ABCC9: variants seen among roughly 807,000 people sequenced by gnomAD.
ABCC9 encodes the protein ATP-binding cassette sub-family C member 9.
A neutral mutation model predicts 188.3 loss-of-function variants in ABCC9; 95 were observed. That is an observed-to-expected ratio of 0.50 (90% confidence interval 0.43 to 0.60). The LOEUF (loss-of-function observed/expected upper bound fraction) is 0.60, where lower values mean the gene tolerates loss of function less well. Among genes scored for constraint, ABCC9 ranks in the 20% least tolerant of loss-of-function variants. The pLI, the probability that ABCC9 is intolerant of heterozygous loss-of-function variation, is 0.00. For missense variants in ABCC9, 1,102 were observed against 1,876.3 expected (o/e 0.59, Z 7.62); for synonymous variants, 659 against 652.7 (o/e 1.01, Z -0.15).
intron 13 of ABCC9, 132 bp downstream of exon 13, chr12:21,895,143 G>T: frequency 1.3e-6 from 1 of 756,358 alleles, no homozygotes; most frequent in East Asian, 2.7e-5. Flanking sequence ...TAGAACTCTT[G>T]CAATGGAGAC....
chr12:21,915,225 ATGTGTGTGTG>A (rs377233626), intron 7 of ABCC9, among the ~76,000 whole-genome samples: 32 of 129,150 alleles, frequency 2.5e-4, no homozygotes, highest in East Asian at 7.0e-4. Flanking sequence ...TTATATATAT[ATGTGTGTGTG>A]TGTGTGTGTG....
intron 4 of ABCC9, among the ~76,000 whole-genome samples, chr12:21,932,550 A>G (rs573582264): frequency 6.6e-6 from 1 of 152,324 alleles, no homozygotes; most frequent in East Asian, 1.9e-4. Flanking sequence ...AGCATCTATA[A>G]GGAACTTACA....
At chr12:21,813,420 TAACCTATGTCTTTC>T (rs1052230676) in intron 35 of ABCC9, among the ~76,000 whole-genome samples, 8 of 152,154 alleles carry the variant, frequency 5.3e-5, no homozygotes, top group Non-Finnish European at 8.8e-5. Context: ...GTGATTAGCT[TAACCTATGTCTTTC>T]AGGAATAATA....
intron 32 of ABCC9, 25 bp from the exon 33 acceptor site, chr12:21,817,332 G>A: frequency 6.2e-7 from 1 of 1,611,142 alleles, no homozygotes; most frequent in Non-Finnish European, 8.5e-7. Flanking sequence ...TAAAAAAATT[G>A]TTTTAAATAA....
At chr12:21,848,299 C>T (rs1220406104) in intron 24 of ABCC9, 53 bp from the exon 25 acceptor site, 2 of 1,472,028 alleles carry the variant, frequency 1.4e-6, no homozygotes, top group East Asian at 4.6e-5. Flanking sequence ...TAGGTTGTGA[C>T]TTATCAATGA....
chr12:21,863,874 A>G (rs1007670737), intron 19 of ABCC9, among the ~76,000 whole-genome samples: 5 of 152,124 alleles, frequency 3.3e-5, no homozygotes, highest in African/African-American at 1.2e-4. Flanking sequence ...GAAATGTTCA[A>G]TGATCTTTCT....
At chr12:21,808,925 C>G (rs1403144402) in intron 37 of ABCC9, among the ~76,000 whole-genome samples, 1 of 152,028 alleles carries the variant, frequency 6.6e-6, no homozygotes, top group African/African-American at 2.4e-5. Flanking sequence ...ATACTCTCTC[C>G]TTGGAACTTA....
intron 29 of ABCC9, among the ~76,000 whole-genome samples, chr12:21,840,201 A>G (rs536611044): frequency 1.7e-4 from 26 of 152,324 alleles, no homozygotes; most frequent in African/African-American, 5.5e-4. Flanking sequence ...TCCTGTAGCT[A>G]GTTTCCCACT....
intron 2 of ABCC9, chr12:21,938,090 A>AGC (rs376591017): frequency 2.9e-3 from 1 of 340 alleles, no homozygotes; most frequent in Non-Finnish European, 0.012. Flanking sequence ...AGGAAAAAAC[A>AGC]GTGTTATACA....
chr12:21,810,123 T>C (rs1227915597), intron 36 of ABCC9, among the ~76,000 whole-genome samples, 168 bp from the exon 37 acceptor site: 1 of 152,224 alleles, frequency 6.6e-6, no homozygotes, highest in Non-Finnish European at 1.5e-5. Context: ...ACTGAATTCA[T>C]GCTTGATGAA....
At chr12:21,877,379 T>C (rs2137616019) in intron 16 of ABCC9, among the ~76,000 whole-genome samples, 2 of 152,228 alleles carry the variant, frequency 1.3e-5, no homozygotes, top group South Asian at 4.1e-4. Context: ...AATGAAAGCA[T>C]TTGTAGGTAA....
At chr12:21,822,887 G>A (rs1943141989) in intron 31 of ABCC9, among the ~76,000 whole-genome samples, 3 of 151,772 alleles carry the variant, frequency 2.0e-5, no homozygotes, top group Admixed American at 1.3e-4. Flanking sequence ...GTGACCCTAC[G>A]GTTACATCTT....
chr12:21,857,660 G>C (rs1218517025), intron 22 of ABCC9, among the ~76,000 whole-genome samples: 1 of 152,144 alleles, frequency 6.6e-6, no homozygotes, highest in African/African-American at 2.4e-5. Flanking sequence ...TTTCCCGGCT[G>C]TGAAGAGAGG....
At chr12:21,902,028 A>G (rs1947781241) in intron 12 of ABCC9, among the ~76,000 whole-genome samples, 2 of 152,198 alleles carry the variant, frequency 1.3e-5, no homozygotes, top group Non-Finnish European at 2.9e-5. Context: ...CTATTCCAAA[A>G]TTGACCACAT....
chr12:21,912,568 T>G (rs944562109), intron 8 of ABCC9, among the ~76,000 whole-genome samples: 16 of 152,018 alleles, frequency 1.1e-4, no homozygotes, highest in Non-Finnish European at 2.1e-4. Flanking sequence ...CTATAAAGAT[T>G]AAATAAAACA....
chr12:21,800,878 A>G lies in ABCC9; in HGVS notation c.*166T>C. 1.3e-6 allele frequency: 1 copy of G among 752,754 alleles called. No individual in the cohort carries two copies. The highest frequency in any genetic ancestry group is 2.7e-5 in the East Asian group (1 of 36,738). 46.6% of individuals were successfully genotyped at this position (752,754 alleles called of 1,614,324 possible). Reference sequence around the variant, plus strand: ...ATCAATAATGAACATATTAAGCAATAATATCTTGAAAAACTGTTTTAAAAA... The same window carrying G: ...ATCAATAATGAACATATTAAGCAATGATATCTTGAAAAACTGTTTTAAAAA... On this transcript the variant is annotated 3_prime_UTR_variant, in exon 40 of 40. Transcript: ENST00000261200.
intron 14 of ABCC9, among the ~76,000 whole-genome samples, chr12:21,889,685 A>T (rs1373750139): frequency 6.6e-6 from 1 of 152,182 alleles, no homozygotes; most frequent in Non-Finnish European, 1.5e-5. Flanking sequence ...GATACAAATC[A>T]CGAATCTTTC....
chr12:21,819,531 C>G (rs1454369192), intron 31 of ABCC9, among the ~76,000 whole-genome samples: 1 of 152,236 alleles, frequency 6.6e-6, no homozygotes. Flanking sequence ...TGACCTTGCC[C>G]GTTACTAGTT....
intron 5 of ABCC9, among the ~76,000 whole-genome samples, chr12:21,922,590 C>G (rs956231396): frequency 6.6e-6 from 1 of 151,844 alleles, no homozygotes; most frequent in Non-Finnish European, 1.5e-5. Flanking sequence ...TGAAAGACCT[C>G]TACACTGAAA....
Sources: gnomAD v4.1 joint callset for allele counts (sites outside exome capture counted in the v4.1 genomes callset) on GRCh38, gnomAD v4.1.1 for gene constraint, MANE v1.5 for transcripts, NCBI Gene and HGNC (gene_info 2026-07-23, HGNC 2026-07-21) for gene names.